SYN3: variants seen among roughly 807,000 people sequenced by gnomAD.
SYN3 encodes the protein synapsin III.
Under a neutral mutation model 65.8 loss-of-function variants are expected in SYN3, and 35 were observed. The observed-to-expected ratio is 0.53, with a 90% CI of 0.41 to 0.70. The LOEUF is 0.70. SYN3 is among the 30% of genes least tolerant of loss of function. The pLI, the probability that SYN3 is intolerant of heterozygous loss-of-function variation, is 0.00. For missense variants in SYN3, 680 were observed against 749.0 expected, an observed-to-expected ratio of 0.91 and a Z score of 1.08; for synonymous variants, 270 against 292.9, an observed-to-expected ratio of 0.92 and a Z score of 0.80.
intron 6 of SYN3, among the ~76,000 whole-genome samples, chr22:32,824,411 G>A: frequency 6.6e-6 from 1 of 151,872 alleles, no homozygotes; most frequent in African/African-American, 2.4e-5. Context: ...ATGCTTTTAG[G>A]GAGTGAGACA....
chr22:32,656,314 C>G (rs1040161689), intron 6 of SYN3, among the ~76,000 whole-genome samples: 1 of 152,126 alleles, frequency 6.6e-6, no homozygotes. Flanking sequence ...CCTCAGTTTG[C>G]TCATCCATAA....
intron 7 of SYN3, among the ~76,000 whole-genome samples, chr22:32,580,770 T>A (rs2058927994): frequency 6.6e-6 from 1 of 152,246 alleles, no homozygotes; most frequent in Non-Finnish European, 1.5e-5. Flanking sequence ...AAGAGCTGAC[T>A]GAGTAGCTTC....
chr22:32,721,887 T>G (rs867105301), intron 6 of SYN3, among the ~76,000 whole-genome samples: 1 of 152,272 alleles, frequency 6.6e-6, no homozygotes, highest in Admixed American at 6.5e-5. Flanking sequence ...AAGGGGACAT[T>G]TGAACTGGAA....
At chr22:32,947,745 C>A (rs1218744040) in intron 3 of SYN3, among the ~76,000 whole-genome samples, 1 of 152,210 alleles carries the variant, frequency 6.6e-6, no homozygotes, top group African/African-American at 2.4e-5. Flanking sequence ...GCATATTAGT[C>A]TTCTATTGCT....
chr22:32,950,717 C>T (rs10222253), intron 3 of SYN3, among the ~76,000 whole-genome samples: 5,603 of 152,228 alleles, frequency 0.037, 361 homozygotes, highest in African/African-American at 0.13. Context: ...AGAGGTTGCA[C>T]TGCTTAGTTC....
chr22:32,532,669 C>T (rs998394193), intron 10 of SYN3, among the ~76,000 whole-genome samples: 15 of 143,670 alleles, frequency 1.0e-4, no homozygotes, highest in Non-Finnish European at 1.8e-4. Flanking sequence ...GGCTCCCACC[C>T]ACTGAGTCAC....
chr22:32,789,870 C>G (rs2046279903), intron 6 of SYN3, among the ~76,000 whole-genome samples: 1 of 152,176 alleles, frequency 6.6e-6, no homozygotes, highest in Admixed American at 6.5e-5. Flanking sequence ...GTGCTCCCAG[C>G]TTGGGTGGGA....
chr22:32,903,306 A>C (rs5998651), intron 4 of SYN3, among the ~76,000 whole-genome samples: 9,416 of 152,254 alleles, frequency 0.062, 949 homozygotes, highest in African/African-American at 0.21. Context: ...AACATTATGT[A>C]AGTGCAAGCT....
chr22:32,882,509 C>T (rs1286065544), intron 4 of SYN3, among the ~76,000 whole-genome samples: 1 of 152,110 alleles, frequency 6.6e-6, no homozygotes, highest in East Asian at 1.9e-4. Context: ...TTGTATTTTT[C>T]AGAGTATTAC....
intron 6 of SYN3, among the ~76,000 whole-genome samples, chr22:32,807,382 TATATTATATATA>T (rs1243612339): frequency 9.3e-6 from 1 of 107,560 alleles, no homozygotes; most frequent in African/African-American, 3.8e-5. Flanking sequence ...ATATATAATA[TATATTATATATA>T]ATATATATAT....
intron 7 of SYN3, among the ~76,000 whole-genome samples, chr22:32,568,875 T>C (rs903043923): frequency 2.6e-5 from 4 of 152,204 alleles, no homozygotes; most frequent in Admixed American, 2.6e-4. Flanking sequence ...TATTACTTTG[T>C]ATTGCCTGAA....
At chr22:32,958,375 C>A (rs2051532823) in intron 3 of SYN3, among the ~76,000 whole-genome samples, 1 of 152,168 alleles carries the variant, frequency 6.6e-6, no homozygotes, top group Non-Finnish European at 1.5e-5. Flanking sequence ...TGAGTGGTAG[C>A]AATACCCAAG....
intron 6 of SYN3, among the ~76,000 whole-genome samples, chr22:32,684,619 T>C (rs981940484): frequency 6.6e-6 from 1 of 152,234 alleles, no homozygotes; most frequent in South Asian, 2.1e-4. Context: ...CTTGAAAGCA[T>C]TGAATTAGGA....
At chr22:32,606,917 G>A (rs927115910) in intron 6 of SYN3, among the ~76,000 whole-genome samples, 2 of 151,558 alleles carry the variant, frequency 1.3e-5, no homozygotes, top group Admixed American at 6.6e-5. Context: ...GTGCAGGTTT[G>A]TTACATATGT....
Position 33,018,272 on chromosome 22 carries a change from A to T in SYN3, c.-162-11448T>A, listed in dbSNP as rs1036311261. 4.6e-5 allele frequency among the ~76,000 whole-genome samples: 7 copies of T among 152,358 alleles called. 1 individual carries two copies. The highest frequency in any genetic ancestry group is 3.9e-4 in the East Asian group (2 of 5,172). On this transcript the variant is annotated intron_variant, in intron 1 of 13. Transcript: ENST00000358763. ...CTCTTGAATCATTAGGACAGGACAC[A>T]GGATATCGCTCCAATGCCAAACTTA...
At chr22:32,646,958 G>C (rs1198625387) in intron 6 of SYN3, among the ~76,000 whole-genome samples, 3 of 152,184 alleles carry the variant, frequency 2.0e-5, no homozygotes, top group African/African-American at 7.2e-5. Context: ...AGAGACAAGG[G>C]CTGGCTCCCC....
intron 3 of SYN3, among the ~76,000 whole-genome samples, chr22:32,974,482 T>G (rs116708072): frequency 6.6e-6 from 1 of 152,362 alleles, no homozygotes; most frequent in African/African-American, 2.4e-5. Flanking sequence ...GAGACCTTTC[T>G]TCCTCCGGAC....
chr22:32,630,181 A>G (rs950267127), intron 6 of SYN3, among the ~76,000 whole-genome samples: 5 of 151,932 alleles, frequency 3.3e-5, no homozygotes, highest in African/African-American at 1.2e-4. Context: ...ACGGGGTTTC[A>G]CCATGTTGGC....
intron 8 of SYN3, among the ~76,000 whole-genome samples, chr22:32,540,172 T>C (rs1211223056): frequency 1.3e-5 from 2 of 152,202 alleles, no homozygotes; most frequent in Admixed American, 6.5e-5. Flanking sequence ...AATTACCACC[T>C]GGCCCTCTAC....
Sources: allele counts gnomAD v4.1 joint callset (sites outside exome capture counted in the v4.1 genomes callset), GRCh38; gene constraint gnomAD v4.1.1; transcripts MANE v1.5; gene names NCBI Gene and HGNC (gene_info 2026-07-23, HGNC 2026-07-21).